Variants in EYA4 observed in about 807,000 individuals in gnomAD.
EYA4 encodes EYA transcriptional coactivator and phosphatase 4, also known as protein phosphatase EYA4.
EYA4 carries 31 observed loss-of-function variants against 87.9 expected under a neutral mutation model. The ratio of observed to expected loss-of-function variants is 0.35; its 90% CI spans 0.27 to 0.48. EYA4 has a LOEUF of 0.48. Ranked by LOEUF, EYA4 falls within the 20% of genes least tolerant of loss-of-function variation. The probability of loss-of-function intolerance (pLI) is 0.99; values close to 1 mark genes in which losing one functional copy is unlikely to be tolerated. For missense variants in EYA4, 678 were observed against 761.4 expected, an observed-to-expected ratio of 0.89 and a Z score of 1.29; for synonymous variants, 263 against 270.6, an observed-to-expected ratio of 0.97 and a Z score of 0.28.
In EYA4 at chr6:133,424,664, T is replaced by G. The variant is rs1790508793; in HGVS notation, c.84-21966T>G. Among the ~76,000 whole-genome samples, 2 of 142,190 alleles carry G rather than the reference T, an allele frequency of 1.4e-5. 1 individual carries two copies. Among genetic ancestry groups the G allele is most frequent in the South Asian group, 4.6e-4 (2 of 4,384 alleles). 93.3% of individuals were successfully genotyped at this position (142,190 alleles called of 152,430 possible). On this transcript the variant is annotated intron_variant, in intron 3 of 19. Transcript: ENST00000355286. ...TTGGAAGGGGCGGGACTCCTACTTG[T>G]CCCCAGCTCCTGCCTTCTCCATGGA...
chr6:133,346,405 A>G (rs1002238000), intron 2 of EYA4, among the ~76,000 whole-genome samples: 2 of 152,202 alleles, frequency 1.3e-5, no homozygotes, highest in African/African-American at 2.4e-5. Flanking sequence ...ATTCTGATGA[A>G]CAAACCTTCT....
intron 4 of EYA4, among the ~76,000 whole-genome samples, chr6:133,447,345 A>G (rs1214592576): frequency 6.6e-6 from 1 of 152,120 alleles, no homozygotes; most frequent in Non-Finnish European, 1.5e-5. Context: ...TGACAACAAT[A>G]ATAGCTATTA....
At chr6:133,335,655 G>T (rs1271202611) in intron 2 of EYA4, among the ~76,000 whole-genome samples, 1 of 152,194 alleles carries the variant, frequency 6.6e-6, no homozygotes, top group Admixed American at 6.5e-5. Flanking sequence ...TAAGTAGGAA[G>T]AGGTTCTTGG....
At chr6:133,258,216 G>A (rs991054073) in intron 1 of EYA4, among the ~76,000 whole-genome samples, 1 of 152,038 alleles carries the variant, frequency 6.6e-6, no homozygotes, top group Non-Finnish European at 1.5e-5. Context: ...TGGGGACGAG[G>A]AAAAACCATA....
intron 2 of EYA4, among the ~76,000 whole-genome samples, chr6:133,278,995 A>G (rs908574174): frequency 2.6e-5 from 4 of 152,098 alleles, no homozygotes; most frequent in Admixed American, 6.6e-5. Flanking sequence ...TCAAGCAGAG[A>G]ATGAGCAATA....
chr6:133,479,645 T>A (rs995350874), intron 11 of EYA4, among the ~76,000 whole-genome samples: 1 of 152,186 alleles, frequency 6.6e-6, no homozygotes, highest in African/African-American at 2.4e-5. Context: ...TCATGTAATT[T>A]AAATTTAATG....
chr6:133,354,618 C>T (rs9493604), intron 2 of EYA4, among the ~76,000 whole-genome samples: 4,906 of 152,264 alleles, frequency 0.032, 233 homozygotes, highest in African/African-American at 0.11. Flanking sequence ...TAAATATGTA[C>T]TAATTTCCAT....
chr6:133,424,560 T>C (rs983400692), intron 3 of EYA4, among the ~76,000 whole-genome samples: 1 of 151,890 alleles, frequency 6.6e-6, no homozygotes, highest in African/African-American at 2.4e-5. Flanking sequence ...GCACCGTGGG[T>C]GCCAGTGGCA....
chr6:133,252,019 C>T (rs906929919), intron 1 of EYA4, among the ~76,000 whole-genome samples: 2 of 152,136 alleles, frequency 1.3e-5, no homozygotes, highest in African/African-American at 4.8e-5. Flanking sequence ...GCATATTTTC[C>T]TTTTCTGGAA....
intron 2 of EYA4, among the ~76,000 whole-genome samples, chr6:133,308,899 T>G (rs1411071708): frequency 6.6e-6 from 1 of 152,024 alleles, no homozygotes; most frequent in African/African-American, 2.4e-5. Context: ...TGTAAAATAT[T>G]TTAAATATGT....
At chr6:133,423,011 G>A (rs188813610) in intron 3 of EYA4, among the ~76,000 whole-genome samples, 1 of 152,230 alleles carries the variant, frequency 6.6e-6, no homozygotes, top group East Asian at 1.9e-4. Context: ...GTTTTCAGAT[G>A]GCACTTCTCA....
intron 13 of EYA4, among the ~76,000 whole-genome samples, chr6:133,486,676 C>T (rs749067511): frequency 5.3e-5 from 8 of 152,226 alleles, no homozygotes. Context: ...GAGGAGCTAG[C>T]CCTACAAATT....
At chr6:133,304,815 T>TCC (rs1779682666) in intron 2 of EYA4, among the ~76,000 whole-genome samples, 1 of 151,682 alleles carries the variant, frequency 6.6e-6, no homozygotes, top group African/African-American at 2.4e-5. Context: ...GTTCCAGGAC[T>TCC]CTAGGCCTTG....
intron 13 of EYA4, among the ~76,000 whole-genome samples, chr6:133,501,258 C>A (rs1366817982): frequency 1.3e-5 from 2 of 152,030 alleles, no homozygotes; most frequent in African/African-American, 4.8e-5. Flanking sequence ...TAGCTCATCA[C>A]CACCTGAAAT....
intron 2 of EYA4, among the ~76,000 whole-genome samples, chr6:133,336,233 A>G (rs973203595): frequency 6.6e-6 from 1 of 152,164 alleles, no homozygotes; most frequent in African/African-American, 2.4e-5. Context: ...ATCCTGCTCT[A>G]AAGACTGTTT....
At chr6:133,506,743 G>A (rs142502378) in intron 14 of EYA4, among the ~76,000 whole-genome samples, 73 of 152,122 alleles carry the variant, frequency 4.8e-4, no homozygotes, top group Middle Eastern at 6.8e-3. Context: ...AACCTCAAAT[G>A]GCAAGACAGT....
At chr6:133,255,135 C>G (rs534191141) in intron 1 of EYA4, among the ~76,000 whole-genome samples, 1 of 152,268 alleles carries the variant, frequency 6.6e-6, no homozygotes, top group Admixed American at 6.5e-5. Context: ...TGGTTCAGTG[C>G]CTGGCCCACT....
chr6:133,463,354 C>CTTTT (rs571663764), intron 9 of EYA4, among the ~76,000 whole-genome samples: 21 of 115,244 alleles, frequency 1.8e-4, no homozygotes, highest in African/African-American at 2.7e-4. Flanking sequence ...TGTGTTTTAT[C>CTTTT]TTTTTTTTTT....
In EYA4 at chr6:133,531,151, GGTTGC is replaced by G; in HGVS notation, c.*2347_*2351del. 2 of 1,531,966 alleles carry G rather than the reference GGTTGC, an allele frequency of 1.3e-6. No homozygotes were observed. Among genetic ancestry groups the G allele is most frequent in the Non-Finnish European group, 1.7e-6 (2 of 1,144,968 alleles). The allele number at this position is 1,531,966 out of a possible 1,614,324, so 94.9% of individuals were successfully genotyped here. A position where few individuals can be genotyped will look rare whatever the true frequency, so the allele number is the denominator to read the frequency against. The stretch of plus-strand genomic sequence containing the variant: ...TTGGAAGGGCAAAGAGAAGCCGGCT[GGTTGC>G]ATCACCCCGTGCAGTTTCTCACACA... On this transcript the variant is annotated 3_prime_UTR_variant, in exon 20 of 20. Transcript: ENST00000355286.
Sources: allele counts gnomAD v4.1 joint callset (sites outside exome capture counted in the v4.1 genomes callset), GRCh38; gene constraint gnomAD v4.1.1; transcripts MANE v1.5; gene names NCBI Gene and HGNC (gene_info 2026-07-23, HGNC 2026-07-21).